EPHA5: variants seen among roughly 807,000 people sequenced by gnomAD.
EPHA5 encodes EPH receptor A5, also known as ephrin type-A receptor 5.
In EPHA5, 60 loss-of-function variants were observed where a neutral mutation model predicts 105.0. The ratio of observed to expected loss-of-function variants is 0.57; its 90% confidence interval spans 0.46 to 0.71. EPHA5 has a LOEUF of 0.71. Among genes scored for constraint, EPHA5 ranks in the 30% least tolerant of loss-of-function variants. EPHA5 has a pLI of 0.00. For missense variants in EPHA5, 1,218 were observed against 1,274.7 expected (o/e 0.96, Z 0.68); for synonymous variants, 513 against 449.1 (o/e 1.14, Z -1.80).
intron 11 of EPHA5, among the ~76,000 whole-genome samples, chr4:65,358,228 C>A (rs1354209582): frequency 6.6e-6 from 1 of 151,432 alleles, no homozygotes; most frequent in Non-Finnish European, 1.5e-5. Context: ...GCATTCATAC[C>A]ATCTGCCTTT....
intron 5 of EPHA5, among the ~76,000 whole-genome samples, chr4:65,487,052 C>T (rs183794050): frequency 2.6e-5 from 4 of 152,328 alleles, no homozygotes; most frequent in Admixed American, 2.0e-4. Context: ...TCTTTGCCTT[C>T]TGCCATAATT....
intron 3 of EPHA5, among the ~76,000 whole-genome samples, chr4:65,558,474 A>G (rs1738681327): frequency 6.6e-6 from 1 of 152,052 alleles, no homozygotes; most frequent in Non-Finnish European, 1.5e-5. Context: ...ATCTGTGTGC[A>G]TGTGTATGTG....
chr4:65,428,212 T>G (rs978827366), intron 5 of EPHA5, among the ~76,000 whole-genome samples: 81 of 152,220 alleles, frequency 5.3e-4, no homozygotes, highest in African/African-American at 1.9e-3. Context: ...AATTATAAAC[T>G]TATTCAAAAT....
At chr4:65,641,725 T>G (rs4438803) in intron 2 of EPHA5, among the ~76,000 whole-genome samples, 88,050 of 151,754 alleles carry the variant, frequency 0.58, 25,672 homozygotes, top group Middle Eastern at 0.68. Flanking sequence ...TCTTCAATAT[T>G]AACATCTGGT....
chr4:65,628,555 A>C (rs1311601714), intron 2 of EPHA5, among the ~76,000 whole-genome samples: 1 of 152,164 alleles, frequency 6.6e-6, no homozygotes, highest in Admixed American at 6.6e-5. Context: ...TATTTTAAGG[A>C]TGTAAAAAAT....
intron 6 of EPHA5, among the ~76,000 whole-genome samples, chr4:65,418,606 A>G (rs1723619610): frequency 6.6e-6 from 1 of 152,178 alleles, no homozygotes; most frequent in Non-Finnish European, 1.5e-5. Flanking sequence ...TAATACTACC[A>G]GTAAGACATT....
At chr4:65,405,606 T>A (rs1228375577) in intron 7 of EPHA5, among the ~76,000 whole-genome samples, 1 of 152,190 alleles carries the variant, frequency 6.6e-6, no homozygotes, top group Non-Finnish European at 1.5e-5. Flanking sequence ...TCAAATATTC[T>A]AGACCAGTAG....
intron 5 of EPHA5, among the ~76,000 whole-genome samples, chr4:65,448,170 C>T (rs943440668): frequency 4.0e-5 from 6 of 149,762 alleles, no homozygotes; most frequent in Middle Eastern, 3.4e-3. Context: ...ACACTGATAA[C>T]AAGCTCTTTT....
intron 11 of EPHA5, among the ~76,000 whole-genome samples, chr4:65,353,449 G>A: frequency 6.7e-6 from 1 of 150,312 alleles, no homozygotes; most frequent in Non-Finnish European, 1.5e-5. Context: ...TGTTATGGTT[G>A]AGTCAGTGAG....
intron 5 of EPHA5, among the ~76,000 whole-genome samples, chr4:65,487,998 T>C (rs1013000245): frequency 6.6e-6 from 1 of 152,170 alleles, no homozygotes; most frequent in African/African-American, 2.4e-5. Flanking sequence ...TATTTTGATG[T>C]TTTGGGTAGG....
chr4:65,626,378 A>G (rs1347127692), intron 2 of EPHA5, among the ~76,000 whole-genome samples: 3 of 152,202 alleles, frequency 2.0e-5, no homozygotes, highest in Non-Finnish European at 4.4e-5. Flanking sequence ...TTCAGAGTCT[A>G]TAAAAAATAT....
intron 5 of EPHA5, among the ~76,000 whole-genome samples, chr4:65,479,058 A>T (rs1293414621): frequency 6.6e-6 from 1 of 152,096 alleles, no homozygotes; most frequent in Non-Finnish European, 1.5e-5. Context: ...TGAAGTCTAA[A>T]ACCTATTTTT....
chr4:65,585,703 CTCCTT>C (rs1742055999), intron 3 of EPHA5, among the ~76,000 whole-genome samples: 2 of 151,774 alleles, frequency 1.3e-5, no homozygotes, highest in Admixed American at 6.6e-5. Context: ...CTGTGTATCT[CTCCTT>C]TATATAGAGA....
intron 3 of EPHA5, among the ~76,000 whole-genome samples, chr4:65,508,779 A>G (rs1733317431): frequency 6.6e-6 from 1 of 152,112 alleles, no homozygotes; most frequent in South Asian, 2.1e-4. Context: ...GATATAGATA[A>G]AGGTTTTCAC....
intron 8 of EPHA5, among the ~76,000 whole-genome samples, chr4:65,386,360 A>T (rs1009812391): frequency 6.6e-6 from 1 of 152,010 alleles, no homozygotes; most frequent in African/African-American, 2.4e-5. Flanking sequence ...TAGGTTGTGA[A>T]CTACCAATAT....
At position 65,454,009 on chromosome 4, in the gene EPHA5, G is replaced by A. The variant is rs535316877; in HGVS notation, c.1403-33444C>T. On this transcript the variant is annotated intron_variant, in intron 5 of 16. Coordinates refer to ENST00000613740, the MANE Select transcript of EPHA5 (RefSeq NM_001281766.3). ...ATAATATGAATTGTGGGCCAGGCAC[G>A]GTGGCTCACGCCTGTAATTCCAACA... is the stretch of plus-strand genomic sequence containing the variant. Among the ~76,000 whole-genome samples, 85 of 152,242 alleles carry A rather than the reference G, an allele frequency of 5.6e-4. 1 individual carries two copies. The highest frequency in any genetic ancestry group is 1.8e-3 in the African/African-American group (76 of 41,544).
At chr4:65,421,995 A>C (rs1723991164) in intron 5 of EPHA5, among the ~76,000 whole-genome samples, 2 of 152,174 alleles carry the variant, frequency 1.3e-5, no homozygotes, top group Admixed American at 6.6e-5. Flanking sequence ...TTGTGGGTAA[A>C]GACAACAAAT....
Position 65,323,267 on chromosome 4 carries a change from C to T in EPHA5, c.*847G>A, listed in dbSNP as rs1214302995. 2 of 229,164 alleles carry T rather than the reference C, an allele frequency of 8.7e-6. No individual in the cohort carries two copies. The highest frequency in any genetic ancestry group is 1.1e-4 in the Admixed American group (2 of 17,540). 14.2% of individuals were successfully genotyped at this position (229,164 alleles called of 1,614,324 possible). On this transcript the variant is annotated 3_prime_UTR_variant, in exon 17 of 17. Transcript: ENST00000613740. ...CAAGCTTGTGTTAAATTTTGTTTTACTGCTTCCCTATTTCTCCTATTCATA... is the reference window on the plus strand; with the variant it reads ...CAAGCTTGTGTTAAATTTTGTTTTATTGCTTCCCTATTTCTCCTATTCATA...
intron 3 of EPHA5, among the ~76,000 whole-genome samples, chr4:65,501,553 T>C (rs1471104021): frequency 6.6e-6 from 1 of 151,038 alleles, no homozygotes; most frequent in African/African-American, 2.4e-5. Flanking sequence ...ACCAAGGAGG[T>C]GAAAGATATA....
Sources: allele counts gnomAD v4.1 joint callset (sites outside exome capture counted in the v4.1 genomes callset), GRCh38; gene constraint gnomAD v4.1.1; transcripts MANE v1.5; gene names NCBI Gene and HGNC (gene_info 2026-07-23, HGNC 2026-07-21).